Variants in KIF15 observed in about 807,000 individuals in gnomAD.
The protein encoded by KIF15 is kinesin-like protein KIF15.
KIF15 carries 140 observed loss-of-function variants against 190.6 expected under a neutral mutation model. That is an observed-to-expected ratio of 0.73 (90% CI 0.64 to 0.84). The LOEUF (loss-of-function observed/expected upper bound fraction) is 0.84, where lower values mean the gene tolerates loss of function less well. KIF15 is among the 40% of genes least tolerant of loss of function. KIF15 has a pLI of 0.00. For missense variants in KIF15, 1,372 were observed against 1,584.4 expected, an observed-to-expected ratio of 0.87 and a Z score of 2.28; for synonymous variants, 528 against 551.3, an observed-to-expected ratio of 0.96 and a Z score of 0.59.
At chr3:44,772,321 G>GAATTC (rs1705678300) in intron 1 of KIF15, among the ~76,000 whole-genome samples, 1 of 152,120 alleles carries the variant, frequency 6.6e-6, no homozygotes, top group Non-Finnish European at 1.5e-5. Context: ...AATTCCTGGG[G>GAATTC]CTCCATTAGG....
At chr3:44,838,568 T>C (rs1375020786) in intron 27 of KIF15, 147 bp downstream of exon 27, 8 of 724,328 alleles carry the variant, frequency 1.1e-5, no homozygotes, top group Non-Finnish European at 1.7e-5. Context: ...CATGGTGAAC[T>C]GAAACCCTGT....
At chr3:44,864,068 C>A in intron 6 of KIF15, 1 of 1,067,948 alleles carries the variant, frequency 9.4e-7, no homozygotes. Flanking sequence ...AGCTCTGAGG[C>A]CCTCTGAGCT....
chr3:44,797,480 A>T, intron 8 of KIF15, 71 bp from the exon 9 acceptor site: 1 of 1,510,664 alleles, frequency 6.6e-7, no homozygotes, highest in Non-Finnish European at 9.1e-7. Flanking sequence ...TCTGCTAGAT[A>T]TATTTTCATT....
intron 7 of KIF15, among the ~76,000 whole-genome samples, chr3:44,789,215 A>G (rs1575595253): frequency 4.6e-5 from 7 of 152,234 alleles, no homozygotes; most frequent in Admixed American, 6.5e-5. Context: ...AATACTATAA[A>G]TTTTTACTTC....
At chr3:44,781,659 A>G (rs1706167775) in intron 5 of KIF15, among the ~76,000 whole-genome samples, 1 of 152,248 alleles carries the variant, frequency 6.6e-6, no homozygotes. Flanking sequence ...TCTCAGTAGT[A>G]TATGGAAGTT....
chr3:44,782,200 G>A (rs1394892753), intron 5 of KIF15, among the ~76,000 whole-genome samples: 3 of 151,994 alleles, frequency 2.0e-5, no homozygotes, highest in Admixed American at 6.6e-5. Flanking sequence ...GCAGGCATGC[G>A]CCACCACACC....
intron 25 of KIF15, 55 bp from the exon 26 acceptor site, chr3:44,830,841 T>TA: frequency 6.4e-7 from 1 of 1,563,830 alleles, no homozygotes; most frequent in Non-Finnish European, 8.7e-7. Flanking sequence ...CTTGTTATTT[T>TA]AATCTAGAAA....
chr3:44,797,471 C>T, intron 8 of KIF15, 80 bp from the exon 9 acceptor site: 1 of 1,458,160 alleles, frequency 6.9e-7, no homozygotes, highest in Non-Finnish European at 9.4e-7. Flanking sequence ...GAATTTTCCT[C>T]TGCTAGATAT....
chr3:44,795,954 C>G (rs1706956478), intron 8 of KIF15, among the ~76,000 whole-genome samples: 1 of 152,214 alleles, frequency 6.6e-6, no homozygotes, highest in East Asian at 1.9e-4. Flanking sequence ...CTCTGCCTCT[C>G]TGGTTCAAGC....
Position 44,823,979 on chromosome 3 carries a change from G to A in KIF15, c.2550-2060G>A, listed in dbSNP as rs137889566. ...ACCCCTTGCGCTTCCTGGGTGAGGCGACGCCCACCCTGCTTCAGCTTGCCC... is the reference window on the plus strand; with the variant it reads ...ACCCCTTGCGCTTCCTGGGTGAGGCAACGCCCACCCTGCTTCAGCTTGCCC... On this transcript the variant is annotated intron_variant, in intron 20 of 34. Transcript: ENST00000326047. Among the ~76,000 whole-genome samples, 870 of 152,236 alleles carry A rather than the reference G, an allele frequency of 5.7e-3. 7 individuals carry two copies. The highest frequency in any genetic ancestry group is 0.02 in the African/African-American group (836 of 41,532).
Position 44,843,159 on chromosome 3 carries a change from A to G in KIF15, c.3620A>G (p.Glu1207Gly), listed in dbSNP as rs1362729507. Reference protein sequence around the residue: ...QLREMENLRLESQQLIEKNWL... With the variant: ...QLREMENLRLGSQQLIEKNWL... ...CGTGAAATGGAAAACCTACGCCTGGAAAGTCAGCAGTTAATAGAGAAAAAC... is the reference window on the plus strand; with the variant it reads ...CGTGAAATGGAAAACCTACGCCTGGGAAGTCAGCAGTTAATAGAGAAAAAC... Residue 1207 changes from glutamate to glycine, a missense_variant, in exon 30 of 35, where the codon GAA becomes GGA. Physicochemically the swap from Glu to Gly is moderately conservative, Grantham distance 98 (BLOSUM62 -2). Coordinates refer to ENST00000326047, the MANE Select transcript of KIF15 (RefSeq NM_020242.3). 3.1e-6 allele frequency: 5 copies of G among 1,613,446 alleles called. No homozygotes were observed. The highest frequency in any genetic ancestry group is 1.1e-5 in the South Asian group (1 of 90,970).
At chr3:44,835,911 A>G (rs1559581640) in intron 26 of KIF15, among the ~76,000 whole-genome samples, 1 of 152,256 alleles carries the variant, frequency 6.6e-6, no homozygotes, top group Non-Finnish European at 1.5e-5. Flanking sequence ...TAGAAGTACT[A>G]GAAAATAAAA....
At chr3:44,862,130 C>A in intron 6 of KIF15, 1 of 445,658 alleles carries the variant, frequency 2.2e-6, no homozygotes, top group Non-Finnish European at 3.0e-6. Flanking sequence ...GAGCCCGGGG[C>A]GCTGTTGGTG....
At chr3:44,868,610 C>G (rs952324484) in intron 6 of KIF15, among the ~76,000 whole-genome samples, 5 of 152,276 alleles carry the variant, frequency 3.3e-5, no homozygotes, top group Middle Eastern at 6.8e-3. Flanking sequence ...TCATCAGAAC[C>G]TGAATTTGCC....
chr3:44,861,947 C>G (rs752512492), intron 6 of KIF15: 2 of 1,407,340 alleles, frequency 1.4e-6, no homozygotes, highest in South Asian at 1.5e-5. Flanking sequence ...CCGGGGCCTC[C>G]GGGCGGCGCC....
At chr3:44,790,106 A>G (rs1025034085) in intron 7 of KIF15, among the ~76,000 whole-genome samples, 3 of 152,102 alleles carry the variant, frequency 2.0e-5, no homozygotes, top group South Asian at 2.1e-4. Flanking sequence ...AATAACAAAT[A>G]TGGCGGGCTC....
chr3:44,795,165 A>T (rs757543840), intron 8 of KIF15, among the ~76,000 whole-genome samples: 6 of 152,222 alleles, frequency 3.9e-5, no homozygotes, highest in Non-Finnish European at 5.9e-5. Context: ...AGGGTACAAG[A>T]GACAACAGGG....
At chr3:44,765,314 G>GAAA (rs1705331348) in intron 1 of KIF15, among the ~76,000 whole-genome samples, 1 of 152,220 alleles carries the variant, frequency 6.6e-6, no homozygotes, top group African/African-American at 2.4e-5. Flanking sequence ...GATCTCTGCA[G>GAAA]AAATGAAGAG....
chr3:44,801,210 G>GC (rs1037817021), intron 11 of KIF15, among the ~76,000 whole-genome samples: 2 of 148,728 alleles, frequency 1.3e-5, no homozygotes, highest in Non-Finnish European at 3.0e-5. Context: ...GGGGGCGGCG[G>GC]GAGGGGGGGG....
Sources: allele counts gnomAD v4.1 joint callset (sites outside exome capture counted in the v4.1 genomes callset), GRCh38; gene constraint gnomAD v4.1.1; transcripts MANE v1.5; gene names NCBI Gene and HGNC (gene_info 2026-07-23, HGNC 2026-07-21).